The following HEXB variants were observed in gnomAD, a reference collection of about 807,000 sequenced individuals.
HEXB encodes beta-hexosaminidase subunit beta.
Under a neutral mutation model 71.2 loss-of-function variants are expected in HEXB, and 51 were observed. The ratio of observed to expected loss-of-function variants is 0.72; its 90% CI spans 0.57 to 0.90. The LOEUF is 0.90. HEXB is among the 40% of genes least tolerant of loss of function. The probability of loss-of-function intolerance (pLI) is 0.00; values close to 1 mark genes in which losing one functional copy is unlikely to be tolerated. For missense variants in HEXB, 617 were observed against 677.0 expected, an observed-to-expected ratio of 0.91 and a Z score of 0.98; for synonymous variants, 266 against 249.3, an observed-to-expected ratio of 1.07 and a Z score of -0.63.
chr5:74,706,326 C>T (rs1008306447), intron 6 of HEXB, among the ~76,000 whole-genome samples: 1 of 152,098 alleles, frequency 6.6e-6, no homozygotes, highest in African/African-American at 2.4e-5. Context: ...CCAAGATGGC[C>T]GAATAGGAAC....
rs41271747 is a variant in HEXB, at chr5:74,689,282, T to A, written c.300-46T>A. On this transcript the variant is annotated intron_variant, in intron 1 of 13. Transcript: ENST00000261416. ...TACTAGCACATCTGTTTTAAAAATT[T>A]GGCTAAAATCCTTCTAAAATGTGTT... 139,965 of 1,504,790 alleles carry A rather than the reference T, an allele frequency of 0.093. 7,705 individuals are homozygous for A. The highest frequency in any genetic ancestry group is 0.11 in the Non-Finnish European group (119,274 of 1,081,864). 93.2% of individuals were successfully genotyped at this position (1,504,790 alleles called of 1,614,324 possible).
rs543125104 is a variant in HEXB at position 74,705,670 on chromosome 5, A to G, written c.771+350A>G. ...TTTGTTTTAAACATAATTGTTTGGAAATCCATAAATGACTATTTTTCTCTC... is the reference window on the plus strand; with the variant it reads ...TTTGTTTTAAACATAATTGTTTGGAGATCCATAAATGACTATTTTTCTCTC... On this transcript the variant is annotated intron_variant, in intron 6 of 13. Transcript: ENST00000261416. 1.7e-4 allele frequency: 43 copies of G among 254,418 alleles called. 2 individuals are homozygous for G. In the South Asian group the frequency reaches 1.9e-3, roughly 11 times the overall value. The allele number at this position is 254,418 out of a possible 1,614,324, so 15.8% of individuals were successfully genotyped here.
At chr5:74,673,163 G>T (rs1177926455) in intron 1 of HEXB, among the ~76,000 whole-genome samples, 1 of 152,242 alleles carries the variant, frequency 6.6e-6, no homozygotes, top group Admixed American at 6.5e-5. Context: ...GGAAGAGAAA[G>T]TTGTTTTTGT....
chr5:74,663,192 G>T (rs1382002602), intron 1 of HEXB, among the ~76,000 whole-genome samples: 7 of 91,446 alleles, frequency 7.7e-5, no homozygotes, highest in Non-Finnish European at 1.4e-4. Context: ...CCTTTTTTTT[G>T]GGGGGGTGGA....
chr5:74,704,259 C>T (rs820831), intron 5 of HEXB, among the ~76,000 whole-genome samples: 77,985 of 152,050 alleles, frequency 0.51, 21,744 homozygotes, highest in East Asian at 0.73. Flanking sequence ...TCTGCACAAT[C>T]CCCTTGTATG....
intron 1 of HEXB, among the ~76,000 whole-genome samples, chr5:74,648,753 G>A (rs188991593): frequency 1.3e-3 from 194 of 152,300 alleles, no homozygotes; most frequent in African/African-American, 4.4e-3. Flanking sequence ...AATTTTCTAT[G>A]GCTTAATAAA....
Position 74,650,538 on chromosome 5 carries a change from T to C in HEXB, c.-377+9980T>C, listed in dbSNP as rs183354349. 2.6e-4 allele frequency among the ~76,000 whole-genome samples: 39 copies of C among 152,276 alleles called. No individual in the cohort carries two copies. In the East Asian group the frequency reaches 6.9e-3, roughly 27 times the overall value. ...GGGCTGGAGAAGGGGGTTGGAGGTG[T>C]CAGGGGTCTGCTGCCTTTCCTCTTG... On this transcript the variant is annotated intron_variant, in intron 1 of 13. Transcript: ENST00000511181.
chr5:74,681,006 G>A (rs925653917), upstream of HEXB, among the ~76,000 whole-genome samples: 19 of 152,176 alleles, frequency 1.2e-4, no homozygotes, highest in African/African-American at 4.1e-4. Flanking sequence ...TCAGCTCCAT[G>A]TTGTTTCAAT....
At chr5:74,720,571 CTCTG>C in intron 12 of HEXB, 53 bp downstream of exon 12, 1 of 1,590,678 alleles carries the variant, frequency 6.3e-7, no homozygotes, top group South Asian at 1.1e-5. Flanking sequence ...AGCTTTCCTT[CTCTG>C]TCTAAACACA....
chr5:74,681,687 G>T (rs1748741843), upstream of HEXB, among the ~76,000 whole-genome samples: 1 of 152,092 alleles, frequency 6.6e-6, no homozygotes, highest in Non-Finnish European at 1.5e-5. Flanking sequence ...AAGATCTCAG[G>T]GCTTGGTGAA....
intron 3 of HEXB, among the ~76,000 whole-genome samples, chr5:74,696,462 A>G (rs1749115128): frequency 6.6e-6 from 1 of 152,140 alleles, no homozygotes. Flanking sequence ...GAAGTAAAGC[A>G]CTTTTATTAG....
chr5:74,677,577 T>C (rs1748657366), intron 1 of HEXB, among the ~76,000 whole-genome samples: 1 of 150,226 alleles, frequency 6.7e-6, no homozygotes, highest in Non-Finnish European at 1.5e-5. Flanking sequence ...AATTCAACAG[T>C]GCACCTTCAT....
chr5:74,658,368 G>A (rs1032428598), intron 1 of HEXB, among the ~76,000 whole-genome samples: 4 of 152,142 alleles, frequency 2.6e-5, no homozygotes, highest in Non-Finnish European at 4.4e-5. Context: ...AAAGAATTTC[G>A]CCTTGCCCAA....
chr5:74,644,500 T>C (rs1487763468), intron 1 of HEXB, among the ~76,000 whole-genome samples: 1 of 152,118 alleles, frequency 6.6e-6, no homozygotes, highest in Non-Finnish European at 1.5e-5. Flanking sequence ...GCAATCCTCT[T>C]ATTTTTAAAA....
At position 74,721,192 on chromosome 5, in the gene HEXB, AG is replaced by A. The variant is rs748646760; in HGVS notation, c.*19del. ...AACATGTAAAAAATGGAGGGGAAAA[AG>A]GCCACAGCAATCTGTACTACAATCA... is the stretch of plus-strand genomic sequence containing the variant. On this transcript the variant is annotated 3_prime_UTR_variant, in exon 14 of 14. Transcript: ENST00000261416. 1 of 1,591,120 alleles carries A rather than the reference AG, an allele frequency of 6.3e-7. No homozygotes were observed. The highest frequency in any genetic ancestry group is 2.2e-5 in the East Asian group (1 of 44,670).
rs567189769 is a variant in HEXB, at chr5:74,655,775, T to G, written c.-377+15217T>G. Among the ~76,000 whole-genome samples, 3 of 152,320 alleles carry G rather than the reference T, an allele frequency of 2.0e-5. No individual in the cohort carries two copies. In the South Asian group the frequency reaches 6.2e-4, roughly 32 times the overall value. The stretch of plus-strand genomic sequence containing the variant: ...ATTACTTTTTACATACACAATATCT[T>G]TTTATCCTCAAAAATTCTGAATAGA... On this transcript the variant is annotated intron_variant, in intron 1 of 13. Coordinates refer to the HEXB transcript ENST00000511181.
At chr5:74,689,210 T>G in intron 1 of HEXB, 118 bp from the exon 2 acceptor site, 1 of 810,992 alleles carries the variant, frequency 1.2e-6, no homozygotes, top group Non-Finnish European at 2.1e-6. Context: ...GAATCTCTAG[T>G]TGGACTTACA....
chr5:74,680,799 T>C (rs931560458), upstream of HEXB, among the ~76,000 whole-genome samples: 6 of 152,196 alleles, frequency 3.9e-5, no homozygotes, highest in African/African-American at 1.2e-4. Flanking sequence ...AGTAGGTTGA[T>C]GGTCTTTAAT....
intron 1 of HEXB, among the ~76,000 whole-genome samples, chr5:74,644,415 G>C (rs1747962684): frequency 6.6e-6 from 1 of 152,150 alleles, no homozygotes; most frequent in Admixed American, 6.5e-5. Context: ...CATTCCCAAA[G>C]GAGGATCTGA....
Sources: gnomAD v4.1 joint callset for allele counts (sites outside exome capture counted in the v4.1 genomes callset) on GRCh38, gnomAD v4.1.1 for gene constraint, MANE v1.5 for transcripts, NCBI Gene and HGNC (gene_info 2026-07-23, HGNC 2026-07-21) for gene names.